WNK1: variants seen among roughly 807,000 people sequenced by gnomAD.
WNK1 encodes WNK lysine deficient protein kinase 1.
In WNK1, 38 loss-of-function variants were observed where a neutral mutation model predicts 222.8. That is an observed-to-expected ratio of 0.17 (90% confidence interval 0.13 to 0.22). The LOEUF is 0.22. WNK1 is among the 10% of genes least tolerant of loss of function. The pLI is 1.00. For missense variants in WNK1, 2,348 were observed against 2,918.4 expected (o/e 0.80, Z 4.50); for synonymous variants, 1,090 against 1,092.9 (o/e 1.00, Z 0.05).
intron 1 of WNK1, among the ~76,000 whole-genome samples, chr12:788,345 T>C (rs1944513210): frequency 1.3e-5 from 2 of 152,192 alleles, no homozygotes; most frequent in African/African-American, 4.8e-5. Context: ...CTGTGTGTAA[T>C]ACTATATGGA....
intron 1 of WNK1, among the ~76,000 whole-genome samples, chr12:788,341 G>A (rs2153977299): frequency 6.6e-6 from 1 of 152,142 alleles, no homozygotes; most frequent in South Asian, 2.1e-4. Context: ...GCTACTGTGT[G>A]TAATACTATA....
At chr12:822,315 A>G (rs1947967140) in intron 2 of WNK1, among the ~76,000 whole-genome samples, 1 of 151,914 alleles carries the variant, frequency 6.6e-6, no homozygotes, top group Non-Finnish European at 1.5e-5. Context: ...GCTGGTCTCA[A>G]ACTCCTGACC....
At chr12:786,199 G>C (rs1944288535) in intron 1 of WNK1, among the ~76,000 whole-genome samples, 1 of 152,114 alleles carries the variant, frequency 6.6e-6, no homozygotes, top group South Asian at 2.1e-4. Flanking sequence ...TAGACTACTT[G>C]ATTAGCTGAT....
At chr12:796,048 T>C (rs879097316) in intron 1 of WNK1, among the ~76,000 whole-genome samples, 1 of 152,064 alleles carries the variant, frequency 6.6e-6, no homozygotes, top group East Asian at 1.9e-4. Flanking sequence ...AATTTTTGTA[T>C]GCGTTTGTAG....
intron 1 of WNK1, among the ~76,000 whole-genome samples, chr12:797,242 G>A (rs1484240962): frequency 1.3e-5 from 2 of 152,024 alleles, no homozygotes; most frequent in East Asian, 3.8e-4. Context: ...CATTCTTACT[G>A]TGATTACTGT....
intron 23 of WNK1, among the ~76,000 whole-genome samples, chr12:895,809 G>T (rs1417268752): frequency 3.3e-5 from 5 of 152,154 alleles, no homozygotes; most frequent in African/African-American, 1.2e-4. Flanking sequence ...TGAATTCTGT[G>T]TATGACATCA....
Position 896,310 on chromosome 12 carries a change from C to A in WNK1, c.5823C>A (p.Thr1941=), listed in dbSNP as rs1293621000. 1 of 1,614,192 alleles carries A rather than the reference C, an allele frequency of 6.2e-7. No individual in the cohort carries two copies. Among genetic ancestry groups the A allele is most frequent in the Admixed American group, 1.7e-5 (1 of 60,026 alleles). ...SEAKSDTGQP[T]KVGRFQVTTT... is the part of the protein sequence containing the mutation. ...CAAAGTCAGACACTGGGCAGCCTAC[C>A]AAGGTTGGACGTTTTCAGGTGACAA... Residue 1941 remains threonine, a synonymous_variant, in exon 24 of 28, where the codon ACC becomes ACA. Coordinates refer to ENST00000315939, the MANE Select transcript of WNK1 (RefSeq NM_018979.4).
intron 4 of WNK1, among the ~76,000 whole-genome samples, chr12:837,902 C>T (rs1949323086): frequency 6.6e-6 from 1 of 152,176 alleles, no homozygotes; most frequent in African/African-American, 2.4e-5. Context: ...TGTGCAACCC[C>T]TAATCTGTTT....
chr12:873,764 A>G (rs920464940), intron 9 of WNK1, among the ~76,000 whole-genome samples: 1 of 152,182 alleles, frequency 6.6e-6, no homozygotes, highest in African/African-American at 2.4e-5. Flanking sequence ...ATTTTTAGAC[A>G]TGATTTTTGT....
intron 3 of WNK1, among the ~76,000 whole-genome samples, chr12:828,641 A>G (rs780336442): frequency 2.0e-5 from 3 of 152,186 alleles, no homozygotes; most frequent in Non-Finnish European, 2.9e-5. Flanking sequence ...CCCCTAGAAG[A>G]CAAAATTGCC....
At position 753,922 on chromosome 12, in the gene WNK1, C is replaced by T. The variant is rs572702724; in HGVS notation, c.357C>T (p.Pro119=). 13 of 1,608,220 alleles carry T rather than the reference C, an allele frequency of 8.1e-6. No homozygotes were observed. The African/African-American group carries it at 1.7e-4, about 21-fold the overall frequency. ...AAVPQSAPPE[P]HREETVTATA... The stretch of plus-strand genomic sequence containing the variant: ...TCCCGCAGAGTGCTCCACCGGAGCC[C>T]CACCGGGAAGAGACCGTGACCGCCA... Residue 119 remains proline, a synonymous_variant, in exon 1 of 28, where the codon CCC becomes CCT. Coordinates refer to ENST00000315939, the MANE Select transcript of WNK1 (RefSeq NM_018979.4). The surrounding 1 kb of genome is among the most constrained non-coding windows in gnomAD (Gnocchi z 5.2).
chr12:879,698 T>C lies in WNK1; in HGVS notation c.2499T>C (p.Thr833=). The C allele has an allele frequency of 6.2e-7, 1 of 1,613,968 alleles. No individual in the cohort carries two copies. The highest frequency in any genetic ancestry group is 8.5e-7 in the Non-Finnish European group (1 of 1,179,982). ...HFLPVGQPLP[T]PLLPQYPVSQ... Reference sequence around the variant, plus strand: ...TTCCAGTGGGACAGCCGCTCCCTACTCCCTTGCTCCCTCAGTACCCTGTCT... The same window carrying C: ...TTCCAGTGGGACAGCCGCTCCCTACCCCCTTGCTCCCTCAGTACCCTGTCT... Residue 833 remains threonine (T), a synonymous_variant, in exon 11 of 28, where the codon ACT becomes ACC. Transcript: ENST00000315939.
chr12:889,340 C>A, intron 21 of WNK1, 117 bp downstream of exon 21: 1 of 867,734 alleles, frequency 1.2e-6, no homozygotes, highest in Non-Finnish European at 1.9e-6. Context: ...AGAGTTCCTG[C>A]TTATTCTAGC....
Position 894,620 on chromosome 12 carries a change from G to A in WNK1, c.5568G>A (p.Lys1856=), listed in dbSNP as rs1954577889. 4.3e-6 allele frequency: 7 copies of A among 1,613,898 alleles called. No individual in the cohort carries two copies. Among genetic ancestry groups the A allele is most frequent in the Non-Finnish European group, 5.9e-6 (7 of 1,179,932 alleles). ...LATSSGAGVF[K]MGRFQVSVAA... is the part of the protein sequence containing the mutation. The stretch of plus-strand genomic sequence containing the variant: ...CTAGTTCAGGAGCTGGTGTTTTTAA[G>A]ATGGGACGATTTCAGGTAAGACAGT... The change falls in exon 23 of 28, where the codon AAG becomes AAA. Residue 1856 remains lysine, a synonymous_variant. Transcript: ENST00000315939.
At chr12:849,909 A>G (rs1392893330) in intron 4 of WNK1, among the ~76,000 whole-genome samples, 3 of 152,016 alleles carry the variant, frequency 2.0e-5, no homozygotes, top group African/African-American at 7.3e-5. Context: ...ATCCTTTTTT[A>G]TGGCTGCATA....
chr12:882,544 T>C (rs12301299), intron 14 of WNK1, among the ~76,000 whole-genome samples: 23,684 of 152,164 alleles, frequency 0.16, 1,855 homozygotes, highest in Admixed American at 0.2. Flanking sequence ...GACTTAAATA[T>C]CACATTTTTA....
chr12:803,184 A>G (rs1946045428), intron 1 of WNK1, among the ~76,000 whole-genome samples: 1 of 152,230 alleles, frequency 6.6e-6, no homozygotes, highest in Admixed American at 6.5e-5. Flanking sequence ...TCCACAGTAA[A>G]TGCTGCTGAT....
At chr12:835,636 A>T (rs977642979) in intron 4 of WNK1, among the ~76,000 whole-genome samples, 2 of 138,228 alleles carry the variant, frequency 1.4e-5, no homozygotes, top group African/African-American at 5.6e-5. Context: ...CAGTTTTGTT[A>T]AAAAAAAAAA....
intron 11 of WNK1, 37 bp downstream of exon 11, chr12:880,068 T>G: frequency 6.3e-7 from 1 of 1,590,406 alleles, no homozygotes; most frequent in South Asian, 1.1e-5. Flanking sequence ...CACCACAGAG[T>G]TTGATCCTAG....
Sources: allele counts gnomAD v4.1 joint callset (sites outside exome capture counted in the v4.1 genomes callset), GRCh38; gene constraint gnomAD v4.1.1; non-coding constraint Gnocchi (gnomAD v3.1); transcripts MANE v1.5; gene names NCBI Gene and HGNC (gene_info 2026-07-23, HGNC 2026-07-21).